Variants in CDH18 observed in about 807,000 individuals in gnomAD.
CDH18 encodes cadherin-18.
Under a neutral mutation model 67.9 loss-of-function variants are expected in CDH18, and 31 were observed. The ratio of observed to expected loss-of-function variants is 0.46; its 90% CI spans 0.34 to 0.62. CDH18 has a LOEUF of 0.62. Among genes scored for constraint, CDH18 ranks in the 20% least tolerant of loss-of-function variants. CDH18 has a pLI of 0.01. For synonymous variants in CDH18, 362 were observed against 347.2 expected (o/e 1.04, Z -0.48); for missense variants, 890 against 975.5 (o/e 0.91, Z 1.17).
Position 20,148,252 on chromosome 5 carries a change from C to T in CDH18, c.-518+107192G>A, listed in dbSNP as rs370313144. On this transcript the variant is annotated intron_variant, in intron 2 of 14. Coordinates refer to the CDH18 transcript ENST00000507958. ...GACTACAGACGCCCATCACCATACC[C>T]GGCTAATTATTTTTATTTTTATTTT... Among the ~76,000 whole-genome samples, 98 of 150,570 alleles carry T rather than the reference C, an allele frequency of 6.5e-4. No individual in the cohort carries two copies. The South Asian group carries it at 0.017, about 26-fold the overall frequency.
chr5:20,211,082 A>T (rs1342355154), intron 2 of CDH18, among the ~76,000 whole-genome samples: 1 of 152,158 alleles, frequency 6.6e-6, no homozygotes, highest in Non-Finnish European at 1.5e-5. Context: ...GTATCAATAA[A>T]GCCAGTGACA....
chr5:19,669,262 T>C (rs1758409784), intron 5 of CDH18, among the ~76,000 whole-genome samples: 1 of 135,536 alleles, frequency 7.4e-6, no homozygotes, highest in Admixed American at 7.1e-5. Context: ...TATAAAATAT[T>C]ATATTATATA....
At chr5:19,591,953 A>G (rs2150029153) in intron 6 of CDH18, among the ~76,000 whole-genome samples, 1 of 152,230 alleles carries the variant, frequency 6.6e-6, no homozygotes, top group African/African-American at 2.4e-5. Context: ...ATTAATTTTG[A>G]CACCTAATAT....
At chr5:19,529,067 A>C (rs1316480157) in intron 9 of CDH18, among the ~76,000 whole-genome samples, 1 of 151,946 alleles carries the variant, frequency 6.6e-6, no homozygotes, top group Admixed American at 6.6e-5. Flanking sequence ...TAAAATATAT[A>C]AAAAAGAAAA....
chr5:19,786,775 C>A (rs1000260766), intron 3 of CDH18, among the ~76,000 whole-genome samples: 2 of 152,086 alleles, frequency 1.3e-5, no homozygotes, highest in Non-Finnish European at 2.9e-5. Flanking sequence ...TAGTAGGTTA[C>A]CACCAGAAAG....
intron 1 of CDH18, among the ~76,000 whole-genome samples, chr5:20,255,678 T>C (rs1259753851): frequency 6.6e-6 from 1 of 152,004 alleles, no homozygotes; most frequent in Non-Finnish European, 1.5e-5. Context: ...TTTTTCCTTT[T>C]TAGGGCATGA....
intron 2 of CDH18, among the ~76,000 whole-genome samples, chr5:20,079,279 G>A (rs927273086): frequency 1.3e-5 from 2 of 151,990 alleles, no homozygotes; most frequent in Admixed American, 6.6e-5. Context: ...TGAGTTTGAC[G>A]TCTTTAGATT....
intron 1 of CDH18, among the ~76,000 whole-genome samples, chr5:20,462,516 G>C (rs1044957439): frequency 2.0e-5 from 3 of 152,158 alleles, no homozygotes; most frequent in African/African-American, 7.2e-5. Context: ...CCAACATATA[G>C]AAATGATAAA....
At chr5:20,532,658 C>T (rs1008898079) in intron 1 of CDH18, among the ~76,000 whole-genome samples, 6 of 151,916 alleles carry the variant, frequency 3.9e-5, no homozygotes, top group African/African-American at 1.2e-4. Flanking sequence ...TTTAGTATAC[C>T]TCTAATATTT....
intron 2 of CDH18, among the ~76,000 whole-genome samples, chr5:20,115,547 G>T (rs1747832972): frequency 6.6e-6 from 1 of 151,766 alleles, no homozygotes; most frequent in African/African-American, 2.4e-5. Flanking sequence ...AAAGTGCTGG[G>T]ATTACAGGTG....
At chr5:20,447,194 CCTT>C (rs1344136390) in intron 1 of CDH18, among the ~76,000 whole-genome samples, 1 of 151,984 alleles carries the variant, frequency 6.6e-6, no homozygotes, top group Non-Finnish European at 1.5e-5. Context: ...TTCTCAGTGT[CCTT>C]CTTGTTTATT....
intron 9 of CDH18, among the ~76,000 whole-genome samples, chr5:19,543,143 C>T (rs888740985): frequency 1.8e-4 from 28 of 151,836 alleles, no homozygotes; most frequent in Admixed American, 1.1e-3. Flanking sequence ...GGTCTACTTA[C>T]GAATATGTTA....
intron 1 of CDH18, among the ~76,000 whole-genome samples, chr5:20,347,817 A>T (rs1740832401): frequency 6.6e-6 from 1 of 152,006 alleles, no homozygotes; most frequent in Non-Finnish European, 1.5e-5. Flanking sequence ...AGGAACATTT[A>T]CCTCTCCCAT....
chr5:19,656,113 G>C (rs142812765), intron 5 of CDH18, among the ~76,000 whole-genome samples: 3 of 148,712 alleles, frequency 2.0e-5, no homozygotes, highest in Non-Finnish European at 4.4e-5. Flanking sequence ...ATTTCCCTTA[G>C]AGTTACCTTC....
intron 5 of CDH18, among the ~76,000 whole-genome samples, chr5:19,670,969 AAAATAGGAAATGATGAGTATCTAGT>A (rs1561001528): frequency 1.3e-5 from 2 of 152,118 alleles, no homozygotes; most frequent in Non-Finnish European, 2.9e-5. Flanking sequence ...GAAAATTTTA[AAAATAGGAAATGATGAGTATCTAGT>A]TATTAGTTCA....
intron 1 of CDH18, among the ~76,000 whole-genome samples, chr5:20,327,395 G>A (rs942006084): frequency 1.3e-5 from 2 of 152,100 alleles, no homozygotes; most frequent in Non-Finnish European, 1.5e-5. Context: ...CTTCTAAAAA[G>A]TAGATTTACT....
At chr5:20,390,138 G>A (rs1448870194) in intron 1 of CDH18, among the ~76,000 whole-genome samples, 1 of 152,098 alleles carries the variant, frequency 6.6e-6, no homozygotes, top group Non-Finnish European at 1.5e-5. Flanking sequence ...ACTGACAAAT[G>A]GGATCTAATT....
chr5:20,132,559 T>G (rs1470045476), intron 2 of CDH18, among the ~76,000 whole-genome samples: 2 of 152,210 alleles, frequency 1.3e-5, no homozygotes, highest in African/African-American at 4.8e-5. Context: ...TTACTATTTT[T>G]GTGACTTTTC....
chr5:19,920,979 G>A (rs1163366389), intron 2 of CDH18, among the ~76,000 whole-genome samples: 1 of 151,394 alleles, frequency 6.6e-6, no homozygotes, highest in Non-Finnish European at 1.5e-5. Flanking sequence ...ATGAGGGAAA[G>A]ATGAGTCATT....
Sources: gnomAD v4.1 joint callset for allele counts (sites outside exome capture counted in the v4.1 genomes callset) on GRCh38, gnomAD v4.1.1 for gene constraint, MANE v1.5 for transcripts, NCBI Gene and HGNC (gene_info 2026-07-23, HGNC 2026-07-21) for gene names.